ABTB3: variants seen among roughly 807,000 people sequenced by gnomAD.
The protein encoded by ABTB3 is ankyrin repeat and BTB domain containing 3, also known as ankyrin repeat- and BTB/POZ domain-containing protein 3.
At chr12:107,377,561 A>G in the ABTB3 span, among the ~76,000 whole-genome samples, 1 of 152,136 alleles carries the variant, frequency 6.6e-6, no homozygotes, top group South Asian at 2.1e-4. Flanking sequence ...AGAGGGTCCC[A>G]TGTGCTGGAG....
the ABTB3 span, among the ~76,000 whole-genome samples, chr12:107,467,056 AG>A: frequency 6.6e-6 from 1 of 152,140 alleles, no homozygotes; most frequent in Non-Finnish European, 1.5e-5. Flanking sequence ...GGAGGATAAA[AG>A]TCAGGGTATT....
the ABTB3 span, among the ~76,000 whole-genome samples, chr12:107,349,842 T>C: frequency 5.9e-5 from 9 of 152,366 alleles, no homozygotes; most frequent in Middle Eastern, 3.4e-3. Flanking sequence ...GAGCACAGGC[T>C]AATCAAACAC....
the ABTB3 span, among the ~76,000 whole-genome samples, chr12:107,438,928 T>G: frequency 6.6e-6 from 1 of 152,330 alleles, no homozygotes; most frequent in Non-Finnish European, 1.5e-5. Context: ...TAATATCTCT[T>G]TAGCTGAAGA....
chr12:107,442,992 T>C, the ABTB3 span, among the ~76,000 whole-genome samples: 2 of 152,154 alleles, frequency 1.3e-5, no homozygotes, highest in Non-Finnish European at 2.9e-5. Context: ...GTGTCCCCTA[T>C]GGTGCAAGGG....
chr12:107,595,287 T>C, the ABTB3 span, among the ~76,000 whole-genome samples: 1 of 152,142 alleles, frequency 6.6e-6, no homozygotes. Context: ...AGTCAGAAGC[T>C]GTTATATGGG....
the ABTB3 span, among the ~76,000 whole-genome samples, chr12:107,583,161 T>C: frequency 6.6e-6 from 1 of 152,156 alleles, no homozygotes; most frequent in African/African-American, 2.4e-5. Flanking sequence ...GAGGTTGGTG[T>C]GAGCACAAAG....
At chr12:107,340,759 G>A in the ABTB3 span, among the ~76,000 whole-genome samples, 1 of 152,176 alleles carries the variant, frequency 6.6e-6, no homozygotes, top group Non-Finnish European at 1.5e-5. Flanking sequence ...ACCCTCCTGG[G>A]AAATTCACCA....
chr12:107,446,727 T>C, the ABTB3 span, among the ~76,000 whole-genome samples: 1 of 152,308 alleles, frequency 6.6e-6, no homozygotes, highest in South Asian at 2.1e-4. Flanking sequence ...CAGTGGATTA[T>C]CTGGTAGACA....
chr12:107,539,816 CTG>C, the ABTB3 span, among the ~76,000 whole-genome samples: 200 of 152,354 alleles, frequency 1.3e-3, 3 homozygotes, highest in African/African-American at 4.4e-3. Context: ...AGTGACTCGC[CTG>C]TGTTTACACA....
At chr12:107,391,325 T>C in the ABTB3 span, among the ~76,000 whole-genome samples, 1 of 152,152 alleles carries the variant, frequency 6.6e-6, no homozygotes. Context: ...TCCAATTATG[T>C]GCATTCTGGC....
chr12:107,389,382 A>G, the ABTB3 span, among the ~76,000 whole-genome samples: 1 of 152,166 alleles, frequency 6.6e-6, no homozygotes, highest in Non-Finnish European at 1.5e-5. Flanking sequence ...ACAGGTAGGA[A>G]AACTGAGGTA....
At chr12:107,624,411 A>G in the ABTB3 span, among the ~76,000 whole-genome samples, 5 of 152,166 alleles carry the variant, frequency 3.3e-5, no homozygotes, top group Non-Finnish European at 5.9e-5. Context: ...ATCACAACCA[A>G]CATAGTGACA....
chr12:107,409,313 T>C, the ABTB3 span, among the ~76,000 whole-genome samples: 5 of 152,204 alleles, frequency 3.3e-5, no homozygotes, highest in Admixed American at 1.3e-4. Flanking sequence ...TGTGGAGAAA[T>C]AGGAACGCTT....
At chr12:107,521,728 G>T in the ABTB3 span, among the ~76,000 whole-genome samples, 1 of 122,526 alleles carries the variant, frequency 8.2e-6, no homozygotes, top group Non-Finnish European at 1.6e-5. Context: ...TCTGTCCCCT[G>T]CTTGTTCCTT....
chr12:107,482,643 C>T, the ABTB3 span, among the ~76,000 whole-genome samples: 4 of 152,012 alleles, frequency 2.6e-5, no homozygotes, highest in African/African-American at 9.7e-5. Context: ...CCCATGATCC[C>T]CTTCCTGCAG....
At chr12:107,462,074 A>G in the ABTB3 span, among the ~76,000 whole-genome samples, 1 of 152,284 alleles carries the variant, frequency 6.6e-6, no homozygotes, top group African/African-American at 2.4e-5. Context: ...GAGAACTTTG[A>G]GACTTCAATC....
At chr12:107,447,052 C>T in the ABTB3 span, among the ~76,000 whole-genome samples, 4 of 152,342 alleles carry the variant, frequency 2.6e-5, no homozygotes, top group South Asian at 2.1e-4. Context: ...CCAGAGCAGT[C>T]GGTTCCAGAA....
At chr12:107,406,195 G>A in the ABTB3 span, among the ~76,000 whole-genome samples, 2 of 152,178 alleles carry the variant, frequency 1.3e-5, no homozygotes, top group Non-Finnish European at 2.9e-5. Flanking sequence ...CTTCACATAC[G>A]AAGTGCTTAG....
the ABTB3 span, among the ~76,000 whole-genome samples, chr12:107,528,276 T>C: frequency 2.0e-5 from 3 of 152,212 alleles, no homozygotes; most frequent in Non-Finnish European, 4.4e-5. Flanking sequence ...ACAAAACACC[T>C]TCTAATTTAA....
Sources: gnomAD v4.1 joint callset for allele counts (sites outside exome capture counted in the v4.1 genomes callset) on GRCh38, gnomAD v4.1.1 for gene constraint, MANE v1.5 for transcripts, NCBI Gene and HGNC (gene_info 2026-07-23, HGNC 2026-07-21) for gene names.